The following CSMD1 variants were observed in gnomAD, a reference collection of about 807,000 sequenced individuals.
The protein encoded by CSMD1 is CUB and Sushi multiple domains 1.
A neutral mutation model predicts 417.5 loss-of-function variants in CSMD1; 213 were observed. The ratio of observed to expected loss-of-function variants is 0.51; its 90% confidence interval spans 0.46 to 0.57. CSMD1 has a LOEUF of 0.57. Among genes scored for constraint, CSMD1 ranks in the 20% least tolerant of loss-of-function variants. The pLI, the probability that CSMD1 is intolerant of heterozygous loss-of-function variation, is 0.00. For missense variants in CSMD1, 6,923 were observed against 4,529.7 expected, an observed-to-expected ratio of 1.53 and a Z score of -15.17; for synonymous variants, 2,862 against 1,736.8, an observed-to-expected ratio of 1.65 and a Z score of -16.11.
At chr8:4,114,719 T>C (rs1441408504) in intron 3 of CSMD1, among the ~76,000 whole-genome samples, 1 of 152,190 alleles carries the variant, frequency 6.6e-6, no homozygotes, top group African/African-American at 2.4e-5. Context: ...AATAGGAGTT[T>C]AGAAGAAGTT....
At chr8:4,016,418 C>T (rs1435597084) in intron 4 of CSMD1, among the ~76,000 whole-genome samples, 1 of 152,172 alleles carries the variant, frequency 6.6e-6, no homozygotes, top group East Asian at 1.9e-4. Context: ...ATGCATGACC[C>T]TGCAGCTGCA....
At chr8:3,962,400 C>T (rs910803960) in intron 5 of CSMD1, among the ~76,000 whole-genome samples, 2 of 152,188 alleles carry the variant, frequency 1.3e-5, no homozygotes, top group Non-Finnish European at 2.9e-5. Context: ...ACCACGCAGT[C>T]CTGAATTCAA....
chr8:3,038,312 G>A lies in CSMD1; in HGVS notation c.7661-8799C>T, dbSNP rs577055042. Among the ~76,000 whole-genome samples the A allele has an allele frequency of 5.3e-5, 8 of 152,186 alleles. No homozygotes were observed. In the South Asian group the frequency reaches 1.7e-3, roughly 32 times the overall value. On this transcript the variant is annotated intron_variant, in intron 50 of 69. Coordinates refer to ENST00000635120, the MANE Select transcript of CSMD1 (RefSeq NM_033225.6). ...AGCTACTTTTTAAATTTCATGAAAT[G>A]CCTGATATTTTAATTACATAAAATG...
intron 3 of CSMD1, among the ~76,000 whole-genome samples, chr8:4,375,350 T>C (rs989980248): frequency 2.0e-5 from 3 of 152,074 alleles, no homozygotes; most frequent in African/African-American, 7.2e-5. Context: ...ATCATCCTAT[T>C]CACCATCCAC....
At chr8:4,657,768 T>G (rs1456232085) in intron 1 of CSMD1, among the ~76,000 whole-genome samples, 2 of 143,504 alleles carry the variant, frequency 1.4e-5, no homozygotes, top group East Asian at 2.0e-4. Context: ...TTTGAATTAG[T>G]AGAAAAAGAC....
At chr8:4,935,798 A>T (rs1807576148) in intron 1 of CSMD1, among the ~76,000 whole-genome samples, 1 of 152,194 alleles carries the variant, frequency 6.6e-6, no homozygotes, top group Non-Finnish European at 1.5e-5. Flanking sequence ...CAAGAATAGG[A>T]ATTGCAACTT....
intron 3 of CSMD1, among the ~76,000 whole-genome samples, chr8:4,137,214 C>A (rs1211013937): frequency 1.3e-5 from 2 of 152,152 alleles, no homozygotes; most frequent in East Asian, 3.8e-4. Context: ...GAAACAGTTG[C>A]CTTTAATTAA....
At chr8:3,228,991 C>A (rs985511417) in intron 27 of CSMD1, among the ~76,000 whole-genome samples, 1 of 152,092 alleles carries the variant, frequency 6.6e-6, no homozygotes. Flanking sequence ...ATACATTGCT[C>A]CCCGACAAGG....
At chr8:3,470,713 C>G (rs1248265052) in intron 11 of CSMD1, among the ~76,000 whole-genome samples, 1 of 152,068 alleles carries the variant, frequency 6.6e-6, no homozygotes, top group Non-Finnish European at 1.5e-5. Context: ...CCCCTGGCAA[C>G]CACTAATCAG....
At chr8:3,781,102 T>A (rs1015724488) in intron 5 of CSMD1, among the ~76,000 whole-genome samples, 1 of 152,106 alleles carries the variant, frequency 6.6e-6, no homozygotes, top group Non-Finnish European at 1.5e-5. Flanking sequence ...GCAAACTGTT[T>A]CAAGAAGCCA....
intron 12 of CSMD1, among the ~76,000 whole-genome samples, chr8:3,468,117 C>T (rs917429442): frequency 1.1e-4 from 17 of 152,120 alleles, no homozygotes; most frequent in African/African-American, 4.1e-4. Flanking sequence ...CTGAAATAAA[C>T]TTGCTAATCC....
chr8:2,996,032 C>G (rs1357807171), intron 54 of CSMD1, among the ~76,000 whole-genome samples: 7 of 152,098 alleles, frequency 4.6e-5, no homozygotes, highest in Admixed American at 4.6e-4. Context: ...CAAGATTCTA[C>G]CACTGGGTGA....
intron 1 of CSMD1, among the ~76,000 whole-genome samples, chr8:4,669,588 G>C (rs1471098638): frequency 1.3e-5 from 2 of 152,146 alleles, no homozygotes; most frequent in African/African-American, 4.8e-5. Context: ...CACTCTGGAA[G>C]CATTAGGGTA....
At chr8:3,478,570 G>C (rs995673834) in intron 11 of CSMD1, among the ~76,000 whole-genome samples, 8 of 152,126 alleles carry the variant, frequency 5.3e-5, no homozygotes, top group Non-Finnish European at 1.2e-4. Context: ...GCAGAGCATG[G>C]GGTGACTTGT....
At chr8:3,230,949 G>A (rs28523397) in intron 26 of CSMD1, among the ~76,000 whole-genome samples, 43,712 of 151,996 alleles carry the variant, frequency 0.29, 6,785 homozygotes, top group Non-Finnish European at 0.35. Flanking sequence ...GTGCTTTCAG[G>A]GGCCACTGGA....
intron 3 of CSMD1, among the ~76,000 whole-genome samples, chr8:4,358,625 T>C (rs1159752155): frequency 6.6e-6 from 1 of 152,236 alleles, no homozygotes; most frequent in Non-Finnish European, 1.5e-5. Flanking sequence ...GGTATAACTA[T>C]ATCATGCAAT....
At chr8:4,366,935 C>G (rs146517374) in intron 3 of CSMD1, among the ~76,000 whole-genome samples, 17 of 152,154 alleles carry the variant, frequency 1.1e-4, no homozygotes, top group African/African-American at 3.6e-4. Flanking sequence ...CCTACAGATT[C>G]TTGATATTAC....
chr8:3,518,603 C>G (rs1232930734), intron 10 of CSMD1, among the ~76,000 whole-genome samples: 2 of 152,094 alleles, frequency 1.3e-5, no homozygotes, highest in African/African-American at 4.8e-5. Context: ...TTCAAAATAA[C>G]TCAGAATTGG....
At chr8:3,726,129 G>C (rs969697488) in intron 6 of CSMD1, among the ~76,000 whole-genome samples, 9 of 151,954 alleles carry the variant, frequency 5.9e-5, no homozygotes, top group Admixed American at 2.6e-4. Flanking sequence ...TGAGGTCCCT[G>C]CCAACAGCCA....
Sources: allele counts gnomAD v4.1 joint callset (sites outside exome capture counted in the v4.1 genomes callset), GRCh38; gene constraint gnomAD v4.1.1; transcripts MANE v1.5; gene names NCBI Gene and HGNC (gene_info 2026-07-23, HGNC 2026-07-21).